DHX38: variants seen among roughly 807,000 people sequenced by gnomAD.
The protein encoded by DHX38 is pre-mRNA-splicing factor ATP-dependent RNA helicase PRP16.
DHX38 carries 100 observed loss-of-function variants against 153.1 expected under a neutral mutation model. The ratio of observed to expected loss-of-function variants is 0.65; its 90% CI spans 0.56 to 0.77. The LOEUF (loss-of-function observed/expected upper bound fraction) is 0.77. Ranked by LOEUF, DHX38 falls within the 30% of genes least tolerant of loss-of-function variation. DHX38 has a pLI of 0.00. For missense variants in DHX38, 1,440 were observed against 1,654.0 expected (o/e 0.87, Z 2.24); for synonymous variants, 650 against 631.7 (o/e 1.03, Z -0.43).
intron 9 of DHX38, 73 bp from the exon 10 acceptor site, chr16:72,101,013 C>T: frequency 2.8e-6 from 4 of 1,427,772 alleles, no homozygotes; most frequent in Non-Finnish European, 4.0e-6. Flanking sequence ...GTCCCTTTCA[C>T]AAGTAGGGAT....
Position 72,104,188 on chromosome 16 carries a change from A to G in DHX38, c.2010+57A>G. ...ATGGGGTGTTGACCAGTGCACCACCAGTAGCTAGTGGGTTGCTCCAGGTGG... is the reference window on the plus strand; with the variant it reads ...ATGGGGTGTTGACCAGTGCACCACCGGTAGCTAGTGGGTTGCTCCAGGTGG... On this transcript the variant is annotated intron_variant, in intron 14 of 26. Coordinates refer to ENST00000268482, the MANE Select transcript of DHX38 (RefSeq NM_014003.4). The surrounding 1 kb of genome is among the most constrained non-coding windows in gnomAD (Gnocchi z 4.5). 1.9e-6 allele frequency: 3 copies of G among 1,581,504 alleles called. No individual in the cohort carries two copies. Among genetic ancestry groups the G allele is most frequent in the East Asian group, 2.3e-5 (1 of 44,350 alleles).
At chr16:72,095,939 A>G (rs559137597) in intron 1 of DHX38, among the ~76,000 whole-genome samples, 200 bp from the exon 2 acceptor site, 2 of 150,182 alleles carry the variant, frequency 1.3e-5, no homozygotes, top group African/African-American at 4.9e-5. Flanking sequence ...TTTGGTGTTT[A>G]TTGGGGGTTG....
In DHX38 at chr16:72,103,060, CTG is replaced by C. The variant is rs2144151880; in HGVS notation, c.1500-8_1500-7del. Reference sequence around the variant, plus strand: ...GGCACCATGCAGGGTGTTTAGGCTGCTGTGTGTTCCTAGGACAGAGCAGAAGT... The same window carrying C: ...GGCACCATGCAGGGTGTTTAGGCTGCTGTGTTCCTAGGACAGAGCAGAAGT... On this transcript the variant is annotated splice_polypyrimidine_tract_variant and intron_variant, in intron 11 of 26. Transcript: ENST00000268482. 1.2e-6 allele frequency: 2 copies of C among 1,613,814 alleles called. No individual in the cohort carries two copies. The highest frequency in any genetic ancestry group is 1.7e-6 in the Non-Finnish European group (2 of 1,179,790).
At position 72,103,740 on chromosome 16, in the gene DHX38, A is replaced by G. The variant is rs1214563034; in HGVS notation, c.1776A>G (p.Ser592=). 1 of 1,613,994 alleles carries G rather than the reference A, an allele frequency of 6.2e-7. No homozygotes were observed. Among genetic ancestry groups the G allele is most frequent in the Non-Finnish European group, 8.5e-7 (1 of 1,179,838 alleles). The change falls in exon 13 of 27, where the codon TCA becomes TCG. Residue 592 remains serine, a synonymous_variant. Coordinates refer to ENST00000268482, the MANE Select transcript of DHX38 (RefSeq NM_014003.4). ...AGCCCCGGCGTGTAGCTGCCATGTC[A>G]GTGGCCAAGAGAGTCAGTGAAGAGA... The part of the protein sequence containing the change: ...CTQPRRVAAM[S]VAKRVSEEMG...
At chr16:72,095,895 G>A (rs1248858711) in intron 1 of DHX38, among the ~76,000 whole-genome samples, 1 of 69,908 alleles carries the variant, frequency 1.4e-5, no homozygotes, top group South Asian at 3.7e-4. Context: ...AATGTATGGG[G>A]TGTGTGTGTG....
At position 72,107,729 on chromosome 16, in the gene DHX38, T is replaced by C; in HGVS notation, c.2894T>C (p.Met965Thr). The change falls in exon 21 of 27, where the codon ATG becomes ACG. Residue 965 changes from methionine to threonine, a missense_variant. Transcript: ENST00000268482. This position sits in a 1 kb window ranked among gnomAD's most constrained non-coding sequence, Gnocchi z 5.3. ...AAGATGCTCATCGTGTCCTGTGACA[T>C]GGGCTGCAGCTCCGAGATCCTGCTC... Reference protein sequence around the residue: ...LSKMLIVSCDMGCSSEILLIV... With the variant: ...LSKMLIVSCDTGCSSEILLIV... 1 of 1,614,128 alleles carries C rather than the reference T, an allele frequency of 6.2e-7. No individual in the cohort carries two copies. Among genetic ancestry groups the C allele is most frequent in the Non-Finnish European group, 8.5e-7 (1 of 1,180,024 alleles).
rs763033504 is a variant in DHX38 at position 72,107,354 on chromosome 16, G to A, written c.2615G>A (p.Ser872Asn). The A allele has an allele frequency of 6.2e-7, 1 of 1,610,120 alleles. No individual in the cohort carries two copies. Among genetic ancestry groups the A allele is most frequent in the Non-Finnish European group, 8.5e-7 (1 of 1,179,872 alleles). The part of the protein sequence containing the change: ...PGQCFRLYTQ[S>N]AYKNELLTTT... ...CTCCCCGGCAGGCTCTACACCCAGA[G>A]CGCCTACAAGAATGAGCTCCTGACC... Residue 872 changes from serine to asparagine, a missense_variant, in exon 20 of 27, where the codon AGC becomes AAC. Coordinates refer to ENST00000268482, the MANE Select transcript of DHX38 (RefSeq NM_014003.4). The surrounding 1 kb of genome is among the most constrained non-coding windows in gnomAD (Gnocchi z 5.3).
At chr16:72,094,614 A>C (rs2041980808) in intron 1 of DHX38, among the ~76,000 whole-genome samples, 1 of 152,118 alleles carries the variant, frequency 6.6e-6, no homozygotes, top group Admixed American at 6.5e-5. Context: ...AATCCTTCTC[A>C]AGAATCTTGC....
intron 10 of DHX38, 101 bp downstream of exon 10, chr16:72,101,294 C>G (rs2042097092): frequency 7.4e-7 from 1 of 1,355,388 alleles, no homozygotes. Flanking sequence ...GTTAGGAGTC[C>G]CCTCTATCAA....
At chr16:72,103,516 G>C in intron 12 of DHX38, 86 bp from the exon 13 acceptor site, 2 of 1,445,070 alleles carry the variant, frequency 1.4e-6, no homozygotes, top group South Asian at 2.6e-5. Context: ...CTAGTCATGG[G>C]GATAGGAGGT....
At chr16:72,112,260 A>G (rs2042266357) in intron 26 of DHX38, 153 bp from the exon 27 acceptor site, 1 of 678,868 alleles carries the variant, frequency 1.5e-6, no homozygotes, top group African/African-American at 1.8e-5. Context: ...TGGGGACGGC[A>G]GAGGAGTGAG....
chr16:72,099,126 G>A, intron 6 of DHX38, 78 bp from the exon 7 acceptor site: 1 of 1,593,866 alleles, frequency 6.3e-7, no homozygotes. Flanking sequence ...TTCTGGAGCT[G>A]CATGGCCCTG....
At position 72,107,349 on chromosome 16, in the gene DHX38, C is replaced by G; in HGVS notation, c.2610C>G (p.Thr870=). Residue 870 remains threonine (T), a synonymous_variant, in exon 20 of 27, where the codon ACC becomes ACG. Coordinates refer to ENST00000268482, the MANE Select transcript of DHX38 (RefSeq NM_014003.4). The surrounding 1 kb of genome is among the most constrained non-coding windows in gnomAD (Gnocchi z 5.3). The part of the protein sequence containing the change: ...TGPGQCFRLY[T]QSAYKNELLT... Reference sequence around the variant, plus strand: ...GTCTTCTCCCCGGCAGGCTCTACACCCAGAGCGCCTACAAGAATGAGCTCC... The same window carrying G: ...GTCTTCTCCCCGGCAGGCTCTACACGCAGAGCGCCTACAAGAATGAGCTCC... The G allele has an allele frequency of 6.2e-7, 1 of 1,609,068 alleles. No homozygotes were observed.
At chr16:72,101,406 C>T (rs777423529) in intron 10 of DHX38, 94 bp from the exon 11 acceptor site, 2 of 1,326,756 alleles carry the variant, frequency 1.5e-6, no homozygotes, top group Admixed American at 2.0e-5. Context: ...GAGTTTACCA[C>T]CTGCGGGGTG....
In DHX38 at chr16:72,094,061, CCTT is replaced by C. The variant is rs1468673397; in HGVS notation, c.-20+15_-20+17del. The C allele has an allele frequency of 6.6e-6, 1 of 152,300 alleles. No homozygotes were observed. Among genetic ancestry groups the C allele is most frequent in the Non-Finnish European group, 1.5e-5 (1 of 68,156 alleles). 9.4% of individuals were successfully genotyped at this position (152,300 alleles called of 1,614,324 possible). On this transcript the variant is annotated intron_variant, in intron 1 of 26. Transcript: ENST00000268482. ...AGTCGCGCTTGGTGAGGTGAGAGTC[CCTT>C]CTTCCTTCCTGGCCTGCCCTTCTGT...
intron 1 of DHX38, among the ~76,000 whole-genome samples, chr16:72,095,861 G>C (rs1393577368): frequency 6.6e-6 from 1 of 151,660 alleles, no homozygotes; most frequent in Non-Finnish European, 1.5e-5. Context: ...ATTGCCTCTT[G>C]GATCTTTGTG....
chr16:72,101,047 G>C, intron 9 of DHX38, 39 bp from the exon 10 acceptor site: 2 of 1,599,214 alleles, frequency 1.3e-6, no homozygotes, highest in East Asian at 2.2e-5. Flanking sequence ...CCTTCTTGCT[G>C]ATTTTAACGG....
chr16:72,106,504 G>A (rs1380525193), intron 19 of DHX38, among the ~76,000 whole-genome samples: 4 of 149,964 alleles, frequency 2.7e-5, no homozygotes, highest in Non-Finnish European at 3.0e-5. Flanking sequence ...GCTGGAGTGT[G>A]GTGGTGCAAT....
Position 72,105,085 on chromosome 16 carries a change from C to G in DHX38, c.2210C>G (p.Ser737Trp). ...AAGCAGTCCTTGCAGGTGCACCTGT[C>G]GGGGGCCCCTGGAGACATCCTTATC... ...AVKQSLQVHL[S>W]GAPGDILIFM... Residue 737 changes from serine to tryptophan, a missense_variant, in exon 16 of 27, where the codon TCG becomes TGG. Transcript: ENST00000268482. 6.2e-7 allele frequency: 1 copy of G among 1,614,178 alleles called. No individual in the cohort carries two copies. Among genetic ancestry groups the G allele is most frequent in the Non-Finnish European group, 8.5e-7 (1 of 1,180,034 alleles).
Sources: gnomAD v4.1 joint callset for allele counts (sites outside exome capture counted in the v4.1 genomes callset) on GRCh38, gnomAD v4.1.1 for gene constraint, Gnocchi (gnomAD v3.1) non-coding constraint, MANE v1.5 for transcripts, NCBI Gene and HGNC (gene_info 2026-07-23, HGNC 2026-07-21) for gene names.